Variants in C6orf118 observed in about 807,000 individuals in gnomAD.
C6orf118 encodes the protein chromosome 6 open reading frame 118.
A neutral mutation model predicts 50.2 loss-of-function variants in C6orf118; 50 were observed. That is an observed-to-expected ratio of 1.00 (90% CI 0.79 to 1.26). The LOEUF is 1.26. Ranked by LOEUF, C6orf118 falls within the 50% of genes most tolerant of loss-of-function variation. The probability of loss-of-function intolerance (pLI) is 0.00; values close to 1 mark genes in which losing one functional copy is unlikely to be tolerated. For missense variants in C6orf118, 641 were observed against 578.7 expected (o/e 1.11, Z -1.10); for synonymous variants, 239 against 230.9 (o/e 1.03, Z -0.32).
chr6:165,294,927 A>G (rs1780239723), intron 5 of C6orf118, among the ~76,000 whole-genome samples: 1 of 152,184 alleles, frequency 6.6e-6, no homozygotes. Context: ...GATTAATAAT[A>G]ATGATGAAAG....
intron 7 of C6orf118, chr6:165,282,047 A>C (rs1779746557): frequency 1.8e-5 from 3 of 162,336 alleles, no homozygotes; most frequent in African/African-American, 7.2e-5. Flanking sequence ...AATCACATAT[A>C]TATCAGCAAT....
intron 7 of C6orf118, among the ~76,000 whole-genome samples, chr6:165,285,693 T>A (rs560860739): frequency 6.6e-6 from 1 of 152,004 alleles, no homozygotes; most frequent in African/African-American, 2.4e-5. Flanking sequence ...GAGTAAATAA[T>A]AAAATTAAGG....
At position 165,301,733 on chromosome 6, in the gene C6orf118, C is replaced by T. The variant is rs1053205337; in HGVS notation, c.589G>A (p.Asp197Asn). Residue 197 changes from aspartate to asparagine, a missense_variant, in exon 2 of 9, where the codon GAC (aspartate) becomes AAC (asparagine). By Grantham distance (23) the Asp-to-Asn change is conservative. Transcript: ENST00000230301. ...YQEAGSRGTR[D>N]RHHYVSSYLA... ...TAGGAGCTGACATAGTGGTGCCGGTCCCTGGTGCCTCTGGACCCGGCCTCC... is the reference window on the plus strand; with the variant it reads ...TAGGAGCTGACATAGTGGTGCCGGTTCCTGGTGCCTCTGGACCCGGCCTCC... 19 of 1,614,002 alleles carry T rather than the reference C, an allele frequency of 1.2e-5. No individual in the cohort carries two copies. Among genetic ancestry groups the T allele is most frequent in the Non-Finnish European group, 1.5e-5 (18 of 1,180,044 alleles).
intron 1 of C6orf118, among the ~76,000 whole-genome samples, chr6:165,309,116 T>C (rs1178729804): frequency 9.9e-5 from 15 of 152,256 alleles, no homozygotes; most frequent in Admixed American, 9.8e-4. Context: ...GACTTCTGAC[T>C]TGATGAATGT....
At chr6:165,298,211 A>C (rs1780385782) in intron 4 of C6orf118, 110 bp from the exon 5 acceptor site, 1 of 1,304,012 alleles carries the variant, frequency 7.7e-7, no homozygotes, top group East Asian at 3.0e-5. Context: ...TTAACATATA[A>C]GTTCTAGTTA....
In C6orf118 at chr6:165,301,587, G is replaced by A. The variant is rs755282731; in HGVS notation, c.735C>T (p.His245=). Residue 245 remains histidine (H), a synonymous_variant, in exon 2 of 9, where the codon CAC becomes CAT. Coordinates refer to ENST00000230301, the MANE Select transcript of C6orf118 (RefSeq NM_144980.4). ...DFTGSKAAAG[H]ERKLQQELQK... ...TCCTCACCTGCTGCAGCTTTCTCTC[G>A]TGGCCCGCGGCCGCCTTGCTCCCAG... The A allele has an allele frequency of 2.2e-5, 35 of 1,612,538 alleles. No homozygotes were observed. The highest frequency in any genetic ancestry group is 3.3e-5 in the South Asian group (3 of 90,984).
At chr6:165,298,511 G>A (rs1395794732) in intron 4 of C6orf118, among the ~76,000 whole-genome samples, 1 of 152,154 alleles carries the variant, frequency 6.6e-6, no homozygotes, top group East Asian at 1.9e-4. Context: ...GTGCTCAAAT[G>A]GGGAGCAACA....
intron 6 of C6orf118, among the ~76,000 whole-genome samples, chr6:165,291,700 C>T (rs1306965046): frequency 6.6e-6 from 1 of 151,996 alleles, no homozygotes; most frequent in Non-Finnish European, 1.5e-5. Flanking sequence ...TTAACTCTTC[C>T]AAAGAGATGC....
Position 165,289,848 on chromosome 6 carries a change from A to C in C6orf118, c.1302+38T>G, listed in dbSNP as rs753179641. 24 of 1,422,298 alleles carry C rather than the reference A, an allele frequency of 1.7e-5. No homozygotes were observed. The Admixed American group carries it at 1.9e-4, about 11-fold the overall frequency. The allele number at this position is 1,422,298 out of a possible 1,614,324, so 88.1% of individuals were successfully genotyped here. On this transcript the variant is annotated intron_variant, in intron 7 of 8. Coordinates refer to ENST00000230301, the MANE Select transcript of C6orf118 (RefSeq NM_144980.4). Reference sequence around the variant, plus strand: ...TGTGTTTGCCAAGGTCTTCAAGCAAAAGAATAATGTAAATATTTAAATAAA... The same window carrying C: ...TGTGTTTGCCAAGGTCTTCAAGCAACAGAATAATGTAAATATTTAAATAAA...
intron 7 of C6orf118, among the ~76,000 whole-genome samples, chr6:165,287,518 C>T (rs1355969677): frequency 5.9e-5 from 9 of 152,132 alleles, no homozygotes. Context: ...CATCATGCTG[C>T]CTGACTTCAA....
At chr6:165,304,733 G>C (rs1780664183) in intron 1 of C6orf118, among the ~76,000 whole-genome samples, 1 of 93,916 alleles carries the variant, frequency 1.1e-5, no homozygotes, top group African/African-American at 5.7e-5. Flanking sequence ...CTGCTTCAAA[G>C]AGAATAAAAT....
chr6:165,298,638 A>C (rs1045167008), intron 4 of C6orf118, among the ~76,000 whole-genome samples: 12 of 152,218 alleles, frequency 7.9e-5, no homozygotes, highest in Non-Finnish European at 1.8e-4. Context: ...ATAGGGACGT[A>C]TGCCACTTAT....
intron 7 of C6orf118, among the ~76,000 whole-genome samples, 170 bp downstream of exon 7, chr6:165,289,716 G>A (rs996576197): frequency 6.6e-6 from 1 of 151,918 alleles, no homozygotes; most frequent in Non-Finnish European, 1.5e-5. Context: ...TATTTTGATA[G>A]ATCTTTTAAT....
Position 165,289,174 on chromosome 6 carries a change from C to CA in C6orf118, c.1302+711dup, listed in dbSNP as rs568080826. On this transcript the variant is annotated intron_variant, in intron 7 of 8. Transcript: ENST00000230301. ...TTGGCACACAGCCATGTCCCCCCTC[C>CA]AAAAAAAAAAAGAAAAAGAAAAAGA... is the stretch of plus-strand genomic sequence containing the variant. Among the ~76,000 whole-genome samples the CA allele has an allele frequency of 6.4e-3, 841 of 131,372 alleles. 5 individuals are homozygous for CA. The highest frequency in any genetic ancestry group is 0.02 in the African/African-American group (714 of 35,532). 86.2% of individuals were successfully genotyped at this position (131,372 alleles called of 152,430 possible). A position where few individuals can be genotyped will look rare whatever the true frequency, so the allele number is the denominator to read the frequency against.
intron 1 of C6orf118, 119 bp from the exon 2 acceptor site, chr6:165,302,415 G>A (rs76269024): frequency 8.7e-6 from 11 of 1,267,112 alleles, no homozygotes; most frequent in East Asian, 7.0e-5. Flanking sequence ...AGAAACAGAC[G>A]AACAGAGTAC....
intron 8 of C6orf118, among the ~76,000 whole-genome samples, chr6:165,281,113 T>C (rs1169477449): frequency 6.6e-6 from 1 of 152,188 alleles, no homozygotes; most frequent in Admixed American, 6.5e-5. Flanking sequence ...CTTTTTAAAC[T>C]AGAATTTTCA....
chr6:165,293,309 T>A (rs1388197823), intron 6 of C6orf118, 104 bp downstream of exon 6: 2 of 1,021,630 alleles, frequency 2.0e-6, no homozygotes, highest in Admixed American at 3.4e-5. Context: ...AGAGGGAGCA[T>A]CAGCATCTTC....
rs533114758 is a variant in C6orf118, at chr6:165,301,637, G to A, written c.685C>T (p.Gln229Ter). The change falls in exon 2 of 9, where the codon CAA becomes TAA. Residue 229 changes from glutamine to a stop codon, truncating the protein, a stop_gained. Coordinates refer to ENST00000230301, the MANE Select transcript of C6orf118 (RefSeq NM_144980.4). LOFTEE classifies it high-confidence loss of function. ...LRFQKEVLAK[Q>*]DLLKNDFTGS... ...GTGAAGTCATTCTTCAGGAGATCTT[G>A]CTTGGCGAGCACTTCCTTCTGGAAA... is the stretch of plus-strand genomic sequence containing the variant. 1 of 1,614,134 alleles carries A rather than the reference G, an allele frequency of 6.2e-7. No homozygotes were observed. The highest frequency in any genetic ancestry group is 1.3e-5 in the African/African-American group (1 of 75,036).
Position 165,289,925 on chromosome 6 carries a change from T to C in C6orf118, c.1263A>G (p.Gly421=). Residue 421 remains glycine, a synonymous_variant, in exon 7 of 9, where the codon GGA becomes GGG. Coordinates refer to ENST00000230301, the MANE Select transcript of C6orf118 (RefSeq NM_144980.4). Reference sequence around the variant, plus strand: ...TCCTATTCTCAGTGATATCTGAAATTCCAGTATGAACCAAAGTTGTTTTAA... The same window carrying C: ...TCCTATTCTCAGTGATATCTGAAATCCCAGTATGAACCAAAGTTGTTTTAA... ...KEIKTTLVHT[G]ISDITENRIK... 2 of 1,608,682 alleles carry C rather than the reference T, an allele frequency of 1.2e-6. No homozygotes were observed. The highest frequency in any genetic ancestry group is 8.5e-7 in the Non-Finnish European group (1 of 1,177,888).
Sources: gnomAD v4.1 joint callset for allele counts (sites outside exome capture counted in the v4.1 genomes callset) on GRCh38, gnomAD v4.1.1 for gene constraint, MANE v1.5 for transcripts, NCBI Gene and HGNC (gene_info 2026-07-23, HGNC 2026-07-21) for gene names.